Variants in SGCZ observed in about 807,000 individuals in gnomAD.
The protein encoded by SGCZ is sarcoglycan zeta, also known as zeta-sarcoglycan.
In SGCZ, 40 loss-of-function variants were observed where a neutral mutation model predicts 41.3. The observed-to-expected ratio is 0.97, with a 90% CI of 0.75 to 1.26. The LOEUF (loss-of-function observed/expected upper bound fraction) is 1.26, where lower values mean the gene tolerates loss of function less well. SGCZ is among the 50% of genes most tolerant of loss of function. SGCZ has a pLI of 0.00. For missense variants in SGCZ, 552 were observed against 369.8 expected (o/e 1.49, Z -4.04); for synonymous variants, 206 against 137.5 (o/e 1.50, Z -3.49).
At chr8:14,221,704 G>C (rs1302776407) in intron 4 of SGCZ, among the ~76,000 whole-genome samples, 1 of 152,102 alleles carries the variant, frequency 6.6e-6, no homozygotes, top group Non-Finnish European at 1.5e-5. Flanking sequence ...GGGAGACCGA[G>C]GAAGGCAGAT....
chr8:14,236,919 C>T (rs1408897674), intron 4 of SGCZ, among the ~76,000 whole-genome samples: 1 of 151,656 alleles, frequency 6.6e-6, no homozygotes, highest in Non-Finnish European at 1.5e-5. Context: ...AATACTTCAC[C>T]ATTAATTTAT....
chr8:14,550,612 C>G (rs1803773925), intron 2 of SGCZ, among the ~76,000 whole-genome samples: 2 of 151,846 alleles, frequency 1.3e-5, no homozygotes, highest in Non-Finnish European at 2.9e-5. Flanking sequence ...GAACCCAAAA[C>G]TGTTTTTTCC....
intron 1 of SGCZ, among the ~76,000 whole-genome samples, chr8:14,914,936 C>A (rs1461654938): frequency 2.0e-5 from 3 of 152,092 alleles, no homozygotes; most frequent in African/African-American, 7.2e-5. Flanking sequence ...ACCAACACTG[C>A]AAAAACCCTT....
In SGCZ at chr8:14,102,097, TATATATAA is replaced by T. The variant is rs372621128; in HGVS notation, c.744+271_744+278del. ...AACTTTATATATATATATATATATA[TATATATAA>T]TTTTTTTTTTTTTTAGTAGAGATGG... On this transcript the variant is annotated intron_variant, in intron 7 of 7. Transcript: ENST00000382080. Among the ~76,000 whole-genome samples the T allele has an allele frequency of 6.2e-4, 59 of 94,440 alleles. 1 individual carries two copies. Among genetic ancestry groups the T allele is most frequent in the South Asian group, 2.6e-3 (8 of 3,086 alleles). 62.0% of individuals were successfully genotyped at this position (94,440 alleles called of 152,430 possible). A position where few individuals can be genotyped will look rare whatever the true frequency, so the allele number is the denominator to read the frequency against.
intron 1 of SGCZ, among the ~76,000 whole-genome samples, chr8:14,798,404 T>G (rs1450511970): frequency 6.6e-6 from 1 of 152,194 alleles, no homozygotes; most frequent in Admixed American, 6.5e-5. Flanking sequence ...GGCTTTAATT[T>G]TATAGATGCC....
chr8:15,163,566 A>C (rs1232396618), intron 1 of SGCZ, among the ~76,000 whole-genome samples: 1 of 152,180 alleles, frequency 6.6e-6, no homozygotes, highest in African/African-American at 2.4e-5. Flanking sequence ...ATATGATTTT[A>C]CTTATCCTAT....
At chr8:15,138,807 A>C (rs1808211949) in intron 1 of SGCZ, among the ~76,000 whole-genome samples, 1 of 152,206 alleles carries the variant, frequency 6.6e-6, no homozygotes, top group East Asian at 1.9e-4. Flanking sequence ...TAGACAGCTA[A>C]GATAAAAATG....
At chr8:14,329,859 C>CT (rs34593671) in intron 2 of SGCZ, among the ~76,000 whole-genome samples, 30,317 of 151,630 alleles carry the variant, frequency 0.2, 3,741 homozygotes, top group Non-Finnish European at 0.29. Context: ...TTTGTATTTG[C>CT]TTTTTTTTCA....
Position 14,605,905 on chromosome 8 carries a change from C to A in SGCZ, c.40-50979G>T, listed in dbSNP as rs191508474. On this transcript the variant is annotated intron_variant, in intron 1 of 7. Coordinates refer to ENST00000382080, the MANE Select transcript of SGCZ (RefSeq NM_139167.4). Reference sequence around the variant, plus strand: ...AATGAAAAGATGAAGTATCTGTTGCCTCCTAGTTCTATGATATTTTATTCC... The same window carrying A: ...AATGAAAAGATGAAGTATCTGTTGCATCCTAGTTCTATGATATTTTATTCC... Among the ~76,000 whole-genome samples, 58 of 152,146 alleles carry A rather than the reference C, an allele frequency of 3.8e-4. No homozygotes were observed. The Middle Eastern group carries it at 0.01, about 27-fold the overall frequency.
At chr8:14,681,021 A>G (rs1024627273) in intron 1 of SGCZ, among the ~76,000 whole-genome samples, 1 of 151,536 alleles carries the variant, frequency 6.6e-6, no homozygotes, top group Non-Finnish European at 1.5e-5. Context: ...CAGGAGATCT[A>G]ACATACTTTT....
chr8:14,719,293 G>A (rs1488806630), intron 1 of SGCZ, among the ~76,000 whole-genome samples: 1 of 149,694 alleles, frequency 6.7e-6, no homozygotes, highest in African/African-American at 2.5e-5. Flanking sequence ...TTGCTATTGT[G>A]AATAGTGCCA....
intron 2 of SGCZ, among the ~76,000 whole-genome samples, chr8:14,511,617 G>A (rs879623730): frequency 1.3e-5 from 2 of 151,978 alleles, no homozygotes; most frequent in Non-Finnish European, 2.9e-5. Flanking sequence ...TTTTCACAAA[G>A]TAGCTAGAAT....
intron 1 of SGCZ, among the ~76,000 whole-genome samples, chr8:15,017,101 A>G (rs1285514496): frequency 6.6e-6 from 1 of 152,198 alleles, no homozygotes; most frequent in African/African-American, 2.4e-5. Flanking sequence ...ATCAAATAAT[A>G]GTTTAAAAAA....
Position 14,344,341 on chromosome 8 carries a change from C to CA in SGCZ, c.235-20138dup, listed in dbSNP as rs564333631. Among the ~76,000 whole-genome samples the CA allele has an allele frequency of 6.9e-3, 1,012 of 147,616 alleles. 6 individuals are homozygous for CA. The highest frequency in any genetic ancestry group is 0.018 in the African/African-American group (706 of 40,300). On this transcript the variant is annotated intron_variant, in intron 2 of 7. Transcript: ENST00000382080. ...TATGAAACTGGAACCAGGAAAAATA[C>CA]AAAAAAAAAGCTACACTATATACAG... is the stretch of plus-strand genomic sequence containing the variant.
chr8:14,285,023 A>G (rs373921117), intron 3 of SGCZ, among the ~76,000 whole-genome samples: 34 of 152,194 alleles, frequency 2.2e-4, no homozygotes, highest in African/African-American at 7.7e-4. Context: ...TCCCTCTTTT[A>G]TATTGGACAG....
At chr8:14,566,269 A>C (rs1323333225) in intron 1 of SGCZ, among the ~76,000 whole-genome samples, 1 of 152,244 alleles carries the variant, frequency 6.6e-6, no homozygotes, top group Non-Finnish European at 1.5e-5. Flanking sequence ...AAAAAAGATA[A>C]GCCCGAATAT....
At chr8:14,559,391 A>T (rs1038690405) in intron 1 of SGCZ, among the ~76,000 whole-genome samples, 3 of 152,116 alleles carry the variant, frequency 2.0e-5, no homozygotes, top group African/African-American at 7.2e-5. Context: ...TAGAGCAAAA[A>T]ATAAAATAAA....
At chr8:14,968,477 G>T (rs1801189678) in intron 1 of SGCZ, among the ~76,000 whole-genome samples, 1 of 152,022 alleles carries the variant, frequency 6.6e-6, no homozygotes, top group South Asian at 2.1e-4. Flanking sequence ...TCATCCTATA[G>T]CAGATCCTAG....
At chr8:14,428,316 C>T (rs1038649494) in intron 2 of SGCZ, among the ~76,000 whole-genome samples, 1 of 152,078 alleles carries the variant, frequency 6.6e-6, no homozygotes. Flanking sequence ...TATCATCACT[C>T]TAATTCCAGT....
Sources: gnomAD v4.1 joint callset for allele counts (sites outside exome capture counted in the v4.1 genomes callset) on GRCh38, gnomAD v4.1.1 for gene constraint, MANE v1.5 for transcripts, NCBI Gene and HGNC (gene_info 2026-07-23, HGNC 2026-07-21) for gene names.